HSD3B7: variants seen among roughly 807,000 people sequenced by gnomAD.
The protein encoded by HSD3B7 is 3 beta-hydroxysteroid dehydrogenase type 7.
A neutral mutation model predicts 34.3 loss-of-function variants in HSD3B7; 35 were observed. That is an observed-to-expected ratio of 1.02 (90% CI 0.78 to 1.35). HSD3B7 has a LOEUF of 1.35. Ranked by LOEUF, HSD3B7 falls within the 40% of genes most tolerant of loss-of-function variation. HSD3B7 has a pLI of 0.00. For missense variants in HSD3B7, 426 were observed against 504.7 expected, an observed-to-expected ratio of 0.84 and a Z score of 1.49; for synonymous variants, 217 against 220.1, an observed-to-expected ratio of 0.99 and a Z score of 0.13.
At chr16:30,985,404 CT>C in intron 1 of HSD3B7, 107 bp downstream of exon 1, 1 of 1,392,626 alleles carries the variant, frequency 7.2e-7, no homozygotes, top group Non-Finnish European at 9.3e-7. Context: ...CCTCCCCACC[CT>C]TTTACTGCCT....
Position 30,988,452 on chromosome 16 carries a change from C to A in HSD3B7, c.*269C>A. On this transcript the variant is annotated 3_prime_UTR_variant, in exon 7 of 7. Transcript: ENST00000297679. ...GGTTCAAGCAATCCTCCTGCCTCAG[C>A]CTCCTGAACAGCTGGGACCACAGGT... 1 of 458,768 alleles carries A rather than the reference C, an allele frequency of 2.2e-6. No homozygotes were observed. Among genetic ancestry groups the A allele is most frequent in the Non-Finnish European group, 4.0e-6 (1 of 252,138 alleles). The allele number at this position is 458,768 out of a possible 1,614,324, so 28.4% of individuals were successfully genotyped here.
intron 1 of HSD3B7, 66 bp from the exon 2 acceptor site, chr16:30,985,587 C>T (rs2056457318): frequency 6.5e-7 from 1 of 1,545,294 alleles, no homozygotes; most frequent in South Asian, 1.2e-5. Context: ...AGGGCACCTC[C>T]AGCAGTAACA....
Position 30,988,238 on chromosome 16 carries a change from C to A in HSD3B7, c.*55C>A. 1 of 1,506,742 alleles carries A rather than the reference C, an allele frequency of 6.6e-7. No individual in the cohort carries two copies. The highest frequency in any genetic ancestry group is 8.9e-7 in the Non-Finnish European group (1 of 1,120,276). 93.3% of individuals were successfully genotyped at this position (1,506,742 alleles called of 1,614,324 possible). On this transcript the variant is annotated 3_prime_UTR_variant, in exon 7 of 7. Coordinates refer to ENST00000297679, the MANE Select transcript of HSD3B7 (RefSeq NM_025193.4). ...ACAGCACATCCACCCAGGTCCCGAG[C>A]CCTCACACCCTGGACGGGAAGGGAC...
Position 30,985,754 on chromosome 16 carries a change from G to T in HSD3B7, c.96G>T (p.Arg32=). The change falls in exon 2 of 7, where the codon CGG becomes CGT. Residue 32 remains arginine, a synonymous_variant. Coordinates refer to ENST00000297679, the MANE Select transcript of HSD3B7 (RefSeq NM_025193.4). ...GEHVVRMLLQ[R]EPRLGELRVF... is the part of the protein sequence containing the mutation. The stretch of plus-strand genomic sequence containing the variant: ...ACGTGGTGCGAATGCTGCTGCAGCG[G>T]GAGCCCCGGCTCGGGGAGCTGCGGG... 2 of 1,606,552 alleles carry T rather than the reference G, an allele frequency of 1.2e-6. No homozygotes were observed. Among genetic ancestry groups the T allele is most frequent in the Non-Finnish European group, 1.7e-6 (2 of 1,177,892 alleles).
chr16:30,985,731 G>T lies in HSD3B7; in HGVS notation c.73G>T (p.Val25Leu), dbSNP rs749388036. 2 of 1,608,544 alleles carry T rather than the reference G, an allele frequency of 1.2e-6. No individual in the cohort carries two copies. The highest frequency in any genetic ancestry group is 1.7e-6 in the Non-Finnish European group (2 of 1,178,952). ...GGGCTGTGGCTTCCTGGGAGAGCAC[G>T]TGGTGCGAATGCTGCTGCAGCGGGA... ...TGGCGFLGEHVVRMLLQREPR... is the reference protein window; with the variant it reads ...TGGCGFLGEHLVRMLLQREPR... The change falls in exon 2 of 7, where the codon GTG becomes TTG. Residue 25 changes from valine to leucine, a missense_variant. Coordinates refer to ENST00000297679, the MANE Select transcript of HSD3B7 (RefSeq NM_025193.4).
chr16:30,985,973 C>CA (rs1312434473), intron 2 of HSD3B7, 76 bp from the exon 3 acceptor site: 1 of 1,584,182 alleles, frequency 6.3e-7, no homozygotes, highest in Non-Finnish European at 8.6e-7. Flanking sequence ...AACGTGACTC[C>CA]AGGGTGGAAG....
chr16:30,987,578 G>T (rs1018980850), intron 6 of HSD3B7, 190 bp from the exon 7 acceptor site: 3 of 662,446 alleles, frequency 4.5e-6, no homozygotes, highest in Non-Finnish European at 8.0e-6. Flanking sequence ...CAGGTTCTTT[G>T]CAGATGCAGG....
rs1325286274 is a variant in HSD3B7, at chr16:30,988,392, G to A, written c.*209G>A. The A allele has an allele frequency of 3.4e-6, 2 of 581,904 alleles. No individual in the cohort carries two copies. The highest frequency in any genetic ancestry group is 3.7e-5 in the African/African-American group (2 of 53,494). The allele number at this position is 581,904 out of a possible 1,614,324, so 36.0% of individuals were successfully genotyped here. ...CTGTCACCCAGACTGGAGTGCAGTG[G>A]TGTGATCATAGCTCACTGCACCCTC... On this transcript the variant is annotated 3_prime_UTR_variant, in exon 7 of 7. Transcript: ENST00000297679.
At chr16:30,985,454 C>T in intron 1 of HSD3B7, 157 bp downstream of exon 1, 1 of 1,466,974 alleles carries the variant, frequency 6.8e-7, no homozygotes, top group South Asian at 1.4e-5. Context: ...CTTCCTGCAC[C>T]CCAAGCCCGC....
chr16:30,985,992 A>G, intron 2 of HSD3B7, 57 bp from the exon 3 acceptor site: 1 of 1,598,858 alleles, frequency 6.3e-7, no homozygotes, highest in Non-Finnish European at 8.5e-7. Flanking sequence ...AGATGAACCC[A>G]GCCTCTGGCC....
chr16:30,987,657 T>G, intron 6 of HSD3B7, 111 bp from the exon 7 acceptor site: 3 of 1,213,992 alleles, frequency 2.5e-6, no homozygotes, highest in Non-Finnish European at 3.6e-6. Flanking sequence ...GCTGTGGGGA[T>G]GTGGGCGGCA....
rs746619561 is a variant in HSD3B7, at chr16:30,986,944, G to A, written c.636G>A (p.Leu212=). The part of the protein sequence containing the change: ...MRDFYRQGLR[L]GGWLFRAIPA... ...ACTTCTACCGCCAGGGCCTGCGCCT[G>A]GGAGGTTGGCTCTTCCGGGCCATCC... The change falls in exon 6 of 7, where the codon CTG becomes CTA. Residue 212 remains leucine, a synonymous_variant. Coordinates refer to ENST00000297679, the MANE Select transcript of HSD3B7 (RefSeq NM_025193.4). 1 of 1,613,680 alleles carries A rather than the reference G, an allele frequency of 6.2e-7. No individual in the cohort carries two copies. The highest frequency in any genetic ancestry group is 1.1e-5 in the South Asian group (1 of 91,088).
Position 30,988,240 on chromosome 16 carries a change from C to G in HSD3B7, c.*57C>G, listed in dbSNP as rs948795612. ...AGCACATCCACCCAGGTCCCGAGCC[C>G]TCACACCCTGGACGGGAAGGGACAG... On this transcript the variant is annotated 3_prime_UTR_variant, in exon 7 of 7. Coordinates refer to ENST00000297679, the MANE Select transcript of HSD3B7 (RefSeq NM_025193.4). 45 of 1,508,414 alleles carry G rather than the reference C, an allele frequency of 3.0e-5. No homozygotes were observed. The highest frequency in any genetic ancestry group is 8.9e-7 in the Non-Finnish European group (1 of 1,121,748). 93.4% of individuals were successfully genotyped at this position (1,508,414 alleles called of 1,614,324 possible).
At chr16:30,986,349 G>A in intron 3 of HSD3B7, 74 bp from the exon 4 acceptor site, 1 of 1,568,188 alleles carries the variant, frequency 6.4e-7, no homozygotes, top group Non-Finnish European at 8.7e-7. Context: ...GGTTTTCCCT[G>A]GACCTGGGAT....
chr16:30,987,157 C>G (rs2056493762), intron 6 of HSD3B7, 155 bp downstream of exon 6: 1 of 719,130 alleles, frequency 1.4e-6, no homozygotes, highest in Non-Finnish European at 2.2e-6. Context: ...GATTATGTCT[C>G]CACAGCCTGC....
Position 30,986,204 on chromosome 16 carries a change from G to A in HSD3B7, c.322G>A (p.Gly108Ser). The A allele has an allele frequency of 1.2e-6, 2 of 1,613,800 alleles. No individual in the cohort carries two copies. Among genetic ancestry groups the A allele is most frequent in the South Asian group, 1.1e-5 (1 of 90,980 alleles). The change falls in exon 3 of 7, where the codon GGT (glycine) becomes AGT (serine). Residue 108 changes from glycine (G) to serine (S), a missense_variant and splice_region_variant. By Grantham distance (56) the Gly-to-Ser change is moderately conservative. Transcript: ENST00000297679. ...PKTIHEVNVQ[G>S]TRNVIEACVQ... ...GACCATCCATGAGGTCAACGTGCAG[G>A]GTGAGGAGCTCTGGACACTCCTGGC...
chr16:30,986,091 C>G lies in HSD3B7; in HGVS notation c.209C>G (p.Ala70Gly), dbSNP rs1481745765. 1 of 1,613,790 alleles carries G rather than the reference C, an allele frequency of 6.2e-7. No individual in the cohort carries two copies. Among genetic ancestry groups the G allele is most frequent in the Admixed American group, 1.7e-5 (1 of 60,028 alleles). ...VTAIQGDVTQ[A>G]HEVAAAVAGA... is the part of the protein sequence containing the mutation. The stretch of plus-strand genomic sequence containing the variant: ...GCCATCCAGGGGGACGTGACCCAGG[C>G]CCATGAGGTGGCAGCAGCTGTGGCC... Residue 70 changes from alanine (A) to glycine (G), a missense_variant, in exon 3 of 7, where the codon GCC (alanine) becomes GGC (glycine). Coordinates refer to ENST00000297679, the MANE Select transcript of HSD3B7 (RefSeq NM_025193.4).
chr16:30,985,763 G>C lies in HSD3B7; in HGVS notation c.105G>C (p.Arg35=). ...VVRMLLQREP[R]LGELRVFDQH... The stretch of plus-strand genomic sequence containing the variant: ...GAATGCTGCTGCAGCGGGAGCCCCG[G>C]CTCGGGGAGCTGCGGGTCTTTGACC... The change falls in exon 2 of 7, where the codon CGG becomes CGC. Residue 35 remains arginine, a synonymous_variant. Coordinates refer to ENST00000297679, the MANE Select transcript of HSD3B7 (RefSeq NM_025193.4). The C allele has an allele frequency of 6.2e-7, 1 of 1,604,500 alleles. No individual in the cohort carries two copies. Among genetic ancestry groups the C allele is most frequent in the South Asian group, 1.1e-5 (1 of 89,450 alleles).
rs1411700414 is a variant in HSD3B7, at chr16:30,985,279, C to G, written c.-25C>G. On this transcript the variant is annotated 5_prime_UTR_variant, in exon 1 of 7. Transcript: ENST00000297679. ...GGCCCCTCCAGGCCAGTCTGGGCAC[C>G]CTGGGATAGCGGCTGCAGGTAGGCA... is the stretch of plus-strand genomic sequence containing the variant. 8.4e-7 allele frequency: 1 copy of G among 1,183,990 alleles called. No individual in the cohort carries two copies. The highest frequency in any genetic ancestry group is 1.6e-5 in the African/African-American group (1 of 62,732). The allele number at this position is 1,183,990 out of a possible 1,614,324, so 73.3% of individuals were successfully genotyped here.
Sources: allele counts gnomAD v4.1 joint callset, GRCh38; gene constraint gnomAD v4.1.1; transcripts MANE v1.5; gene names NCBI Gene and HGNC (gene_info 2026-07-23, HGNC 2026-07-21).